Variants in KAZN observed in about 807,000 individuals in gnomAD.
KAZN encodes kazrin.
In KAZN, 40 loss-of-function variants were observed where a neutral mutation model predicts 87.4. The ratio of observed to expected loss-of-function variants is 0.46; its 90% CI spans 0.36 to 0.60. The LOEUF (loss-of-function observed/expected upper bound fraction) is 0.60. Among genes scored for constraint, KAZN ranks in the 20% least tolerant of loss-of-function variants. The pLI is 0.00. For missense variants in KAZN, 898 were observed against 1,073.9 expected, an observed-to-expected ratio of 0.84 and a Z score of 2.29; for synonymous variants, 466 against 458.3, an observed-to-expected ratio of 1.02 and a Z score of -0.22.
chr1:14,541,250 GT>G, intron 2 of KAZN, among the ~76,000 whole-genome samples: 1 of 152,316 alleles, frequency 6.6e-6, no homozygotes, highest in South Asian at 2.1e-4. Context: ...AAATTAGCCA[GT>G]TTTTTGAGCT....
intron 2 of KAZN, among the ~76,000 whole-genome samples, chr1:15,001,458 T>A (rs1174800432): frequency 4.8e-5 from 7 of 147,214 alleles, no homozygotes; most frequent in Non-Finnish European, 8.9e-5. Context: ...CGAGCGAAAA[T>A]CTGTCTCAAA....
At chr1:14,171,966 A>AT (rs998889731) in intron 1 of KAZN, among the ~76,000 whole-genome samples, 18 of 146,346 alleles carry the variant, frequency 1.2e-4, no homozygotes, top group African/African-American at 4.7e-4. Context: ...AAAGCGTGTC[A>AT]TTTTTTTCCT....
chr1:14,172,631 TG>T (rs914567463), intron 1 of KAZN, among the ~76,000 whole-genome samples: 1 of 152,246 alleles, frequency 6.6e-6, no homozygotes, highest in African/African-American at 2.4e-5. Flanking sequence ...CTCTCAGCTT[TG>T]TGGGCCAGGA....
At chr1:14,826,433 C>G (rs981894888) in intron 1 of KAZN, among the ~76,000 whole-genome samples, 9 of 152,334 alleles carry the variant, frequency 5.9e-5, no homozygotes, top group Admixed American at 5.9e-4. Context: ...TGCACTCAAG[C>G]CTGAGCCACC....
At chr1:13,933,082 C>CA (rs1417827482) in intron 1 of KAZN, among the ~76,000 whole-genome samples, 1 of 152,094 alleles carries the variant, frequency 6.6e-6, no homozygotes, top group Non-Finnish European at 1.5e-5. Flanking sequence ...CAGCATTGTA[C>CA]ATGACTATCA....
chr1:14,674,777 GTTTTCTTTTC>G (rs977207274), intron 1 of KAZN, among the ~76,000 whole-genome samples: 1 of 151,824 alleles, frequency 6.6e-6, no homozygotes. Flanking sequence ...ATTTTATCTT[GTTTTCTTTTC>G]TTTTCTTTTC....
intron 1 of KAZN, among the ~76,000 whole-genome samples, chr1:14,125,869 C>G (rs1260686401): frequency 6.7e-6 from 1 of 149,842 alleles, no homozygotes. Flanking sequence ...CCGTTAGATT[C>G]AGGCAACAAA....
chr1:14,505,699 C>T (rs551595430), intron 2 of KAZN, among the ~76,000 whole-genome samples: 11 of 152,242 alleles, frequency 7.2e-5, no homozygotes, highest in East Asian at 3.9e-4. Context: ...GTTGGCTGGG[C>T]GCGGTGGCTC....
At chr1:14,680,023 G>T (rs1449987069) in intron 1 of KAZN, among the ~76,000 whole-genome samples, 1 of 152,150 alleles carries the variant, frequency 6.6e-6, no homozygotes, top group African/African-American at 2.4e-5. Flanking sequence ...CAACTCGCCT[G>T]TGGAATGTTT....
At chr1:14,787,460 G>A (rs890826922) in intron 1 of KAZN, among the ~76,000 whole-genome samples, 3 of 152,156 alleles carry the variant, frequency 2.0e-5, no homozygotes, top group Admixed American at 1.3e-4. Context: ...ATCTCTTTAA[G>A]CATCATCTTT....
chr1:14,725,758 A>G (rs1643350940), intron 1 of KAZN, among the ~76,000 whole-genome samples: 2 of 152,092 alleles, frequency 1.3e-5, no homozygotes, highest in South Asian at 4.1e-4. Context: ...TCAGCTCTTA[A>G]AGTGCTGTCA....
chr1:14,204,995 C>T (rs1480864725), intron 2 of KAZN, among the ~76,000 whole-genome samples: 1 of 152,196 alleles, frequency 6.6e-6, no homozygotes, highest in Admixed American at 6.5e-5. Context: ...TTCTTGATTT[C>T]CTGGAAGTCC....
intron 2 of KAZN, among the ~76,000 whole-genome samples, chr1:14,515,015 T>G (rs1304711490): frequency 6.6e-6 from 1 of 152,138 alleles, no homozygotes; most frequent in Non-Finnish European, 1.5e-5. Context: ...CTTACTCTTT[T>G]TATCCTTTTT....
At chr1:14,441,468 G>A (rs1666701831) in intron 2 of KAZN, among the ~76,000 whole-genome samples, 5 of 152,176 alleles carry the variant, frequency 3.3e-5, no homozygotes, top group Admixed American at 3.3e-4. Flanking sequence ...CCCTGGGCGT[G>A]AGGCCAGCGA....
chr1:14,400,371 G>C (rs1197503221), intron 2 of KAZN, among the ~76,000 whole-genome samples: 1 of 152,166 alleles, frequency 6.6e-6, no homozygotes, highest in Admixed American at 6.5e-5. Context: ...GGACTAGAAA[G>C]ACACTTGGAA....
At chr1:13,956,776 A>G (rs953224358) in intron 1 of KAZN, among the ~76,000 whole-genome samples, 1 of 152,200 alleles carries the variant, frequency 6.6e-6, no homozygotes, top group East Asian at 1.9e-4. Context: ...TGAAGGATGT[A>G]TAGAGAAGAT....
intron 2 of KAZN, among the ~76,000 whole-genome samples, chr1:14,430,736 G>A (rs1490535917): frequency 1.3e-5 from 2 of 152,232 alleles, no homozygotes; most frequent in South Asian, 4.1e-4. Context: ...CCAGGGTGCT[G>A]AGCACAAGCA....
At chr1:14,216,256 G>A (rs995380092) in intron 2 of KAZN, among the ~76,000 whole-genome samples, 7 of 152,136 alleles carry the variant, frequency 4.6e-5, no homozygotes, top group Admixed American at 6.6e-5. Flanking sequence ...TGTACTCAAT[G>A]GAAAGTAGCC....
At chr1:14,569,700 C>T (rs770159917) in intron 2 of KAZN, among the ~76,000 whole-genome samples, 6 of 152,102 alleles carry the variant, frequency 3.9e-5, no homozygotes, top group Non-Finnish European at 8.8e-5. Context: ...CTTAAAATCA[C>T]AAGTCATTAA....
Sources: gnomAD v4.1 joint callset for allele counts (sites outside exome capture counted in the v4.1 genomes callset) on GRCh38, gnomAD v4.1.1 for gene constraint, MANE v1.5 for transcripts, NCBI Gene and HGNC (gene_info 2026-07-23, HGNC 2026-07-21) for gene names.